The following XPNPEP3 variants were observed in gnomAD, a reference collection of about 807,000 sequenced individuals.
The protein encoded by XPNPEP3 is xaa-Pro aminopeptidase 3.
XPNPEP3 carries 41 observed loss-of-function variants against 60.0 expected under a neutral mutation model. That is an observed-to-expected ratio of 0.68 (90% CI 0.53 to 0.89). The LOEUF is 0.89. Among genes scored for constraint, XPNPEP3 ranks in the 40% least tolerant of loss-of-function variants. The probability of loss-of-function intolerance (pLI) is 0.00; values close to 1 mark genes in which losing one functional copy is unlikely to be tolerated. For missense variants in XPNPEP3, 598 were observed against 638.9 expected (o/e 0.94, Z 0.69); for synonymous variants, 212 against 223.2 (o/e 0.95, Z 0.45).
In XPNPEP3 at chr22:40,914,267, G is replaced by C. The variant is rs1388229070; in HGVS notation, c.998G>C (p.Gly333Ala). ...GGGGAAATGGTGCTTCTGGATGGAGGTTGTGAGTCTTCCTGCTATGTGAGT... is the reference window on the plus strand; with the variant it reads ...GGGGAAATGGTGCTTCTGGATGGAGCTTGTGAGTCTTCCTGCTATGTGAGT... Reference protein sequence around the residue: ...KDGEMVLLDGGCESSCYVSDI... With the variant: ...KDGEMVLLDGACESSCYVSDI... Residue 333 changes from glycine (G) to alanine (A), a missense_variant, in exon 7 of 10, where the codon GGT (glycine) becomes GCT (alanine). Coordinates refer to ENST00000357137, the MANE Select transcript of XPNPEP3 (RefSeq NM_022098.4). The C allele has an allele frequency of 2.5e-6, 4 of 1,613,940 alleles. No individual in the cohort carries two copies. Among genetic ancestry groups the C allele is most frequent in the Non-Finnish European group, 3.4e-6 (4 of 1,180,004 alleles).
Position 40,886,460 on chromosome 22 carries a change from TC to T in XPNPEP3, c.738del (p.Lys247SerfsTer15), listed in dbSNP as rs1489843926. The T allele has an allele frequency of 2.5e-6, 4 of 1,613,976 alleles. No individual in the cohort carries two copies. Among genetic ancestry groups the T allele is most frequent in the Non-Finnish European group, 3.4e-6 (4 of 1,180,024 alleles). ...CAGCTGATACAGCGCCTCCGGCTGA[TC>T]AAGTCTCCTGCAGAAATTGAACGAA... ...VQQLIQRLRL[I>X]KSPAEIERMQ... On this transcript the variant is annotated frameshift_variant, in exon 4 of 10. Coordinates refer to ENST00000357137, the MANE Select transcript of XPNPEP3 (RefSeq NM_022098.4). LOFTEE classifies it high-confidence loss of function.
At chr22:40,872,972 G>T (rs1601493406) in intron 2 of XPNPEP3, among the ~76,000 whole-genome samples, 1 of 151,792 alleles carries the variant, frequency 6.6e-6, no homozygotes, top group African/African-American at 2.4e-5. Flanking sequence ...ATTAGTTTTA[G>T]AATATGTGGT....
Position 40,926,381 on chromosome 22 carries a change from A to T in XPNPEP3, c.1470A>T (p.Ala490=). ...VTQDSPLILS[A]DCPKEMNDIE... is the part of the protein sequence containing the mutation. ...AGGACTCACCTCTCATCCTTTCTGCAGACTGTCCCAAAGAGATGAATGACA... is the reference window on the plus strand; with the variant it reads ...AGGACTCACCTCTCATCCTTTCTGCTGACTGTCCCAAAGAGATGAATGACA... The change falls in exon 10 of 10, where the codon GCA becomes GCT. Residue 490 remains alanine (A), a synonymous_variant. Coordinates refer to ENST00000357137, the MANE Select transcript of XPNPEP3 (RefSeq NM_022098.4). 5.6e-6 allele frequency: 9 copies of T among 1,614,194 alleles called. No individual in the cohort carries two copies. The highest frequency in any genetic ancestry group is 7.6e-6 in the Non-Finnish European group (9 of 1,180,036).
intron 4 of XPNPEP3, among the ~76,000 whole-genome samples, chr22:40,892,962 C>T (rs1007399891): frequency 6.6e-6 from 1 of 151,844 alleles, no homozygotes; most frequent in East Asian, 1.9e-4. Context: ...TGGCATGAGA[C>T]AGCATTCTGT....
intron 4 of XPNPEP3, among the ~76,000 whole-genome samples, chr22:40,902,227 C>T (rs2058136507): frequency 6.9e-6 from 1 of 145,508 alleles, no homozygotes; most frequent in African/African-American, 2.6e-5. Flanking sequence ...TTACAGGCGC[C>T]TGCCACCATG....
chr22:40,879,835 C>T (rs1184560560), intron 2 of XPNPEP3, among the ~76,000 whole-genome samples: 9 of 151,690 alleles, frequency 5.9e-5, no homozygotes, highest in Admixed American at 2.6e-4. Flanking sequence ...GAGCAAGACT[C>T]TTTCTCAAAA....
chr22:40,885,124 A>G (rs540386911), intron 3 of XPNPEP3, among the ~76,000 whole-genome samples: 47 of 152,328 alleles, frequency 3.1e-4, no homozygotes, highest in African/African-American at 6.7e-4. Context: ...TTTTATTTTA[A>G]AAATGAAAAT....
chr22:40,911,530 TC>T (rs1664722396), intron 6 of XPNPEP3, among the ~76,000 whole-genome samples: 1 of 151,860 alleles, frequency 6.6e-6, no homozygotes, highest in Non-Finnish European at 1.5e-5. Flanking sequence ...TGAGGCATTT[TC>T]TTTCTTCTTG....
At position 40,906,997 on chromosome 22, in the gene XPNPEP3, G is replaced by A. The variant is rs375896504; in HGVS notation, c.793-590G>A. On this transcript the variant is annotated intron_variant, in intron 4 of 9. Coordinates refer to ENST00000357137, the MANE Select transcript of XPNPEP3 (RefSeq NM_022098.4). ...ATGGTCACTTATCCCATCTATGAGG[G>A]CAGAGCCCTCGTGATTTAATCACTA... is the stretch of plus-strand genomic sequence containing the variant. The A allele has an allele frequency of 2.8e-4, 125 of 452,738 alleles. 2 individuals are homozygous for A. In the East Asian group the frequency reaches 5.6e-3, roughly 20 times the overall value. The allele number at this position is 452,738 out of a possible 1,614,324, so 28.0% of individuals were successfully genotyped here.
At position 40,907,391 on chromosome 22, in the gene XPNPEP3, A is replaced by T. The variant is rs533844632; in HGVS notation, c.793-196A>T. ...AGCCGAGATCGCGCCACTGCACTCC[A>T]GCCTGGGCAACAGAGCGAGACTCCG... is the stretch of plus-strand genomic sequence containing the variant. On this transcript the variant is annotated intron_variant, in intron 4 of 9. Coordinates refer to ENST00000357137, the MANE Select transcript of XPNPEP3 (RefSeq NM_022098.4). Among the ~76,000 whole-genome samples, 27 of 152,236 alleles carry T rather than the reference A, an allele frequency of 1.8e-4. No individual in the cohort carries two copies. The South Asian group carries it at 5.6e-3, about 32-fold the overall frequency.
At chr22:40,907,109 A>G (rs1438644304) in intron 4 of XPNPEP3, 1 of 456,262 alleles carries the variant, frequency 2.2e-6, no homozygotes, top group Non-Finnish European at 4.4e-6. Flanking sequence ...AGTCAAAGCA[A>G]AATGTTTTCC....
intron 1 of XPNPEP3, among the ~76,000 whole-genome samples, chr22:40,863,378 C>G (rs927456187): frequency 6.6e-5 from 10 of 152,096 alleles, no homozygotes; most frequent in Non-Finnish European, 1.5e-4. Context: ...TGAGAAAATT[C>G]CCTGTAATCT....
Position 40,907,617 on chromosome 22 carries a change from G to A in XPNPEP3, c.823G>A (p.Ala275Thr). 6.2e-7 allele frequency: 1 copy of A among 1,614,034 alleles called. No homozygotes were observed. Residue 275 changes from alanine (A) to threonine (T), a missense_variant, in exon 5 of 10, where the codon GCC becomes ACC. Physicochemically the swap from Ala to Thr is moderately conservative, Grantham distance 58 (BLOSUM62 0). Coordinates refer to ENST00000357137, the MANE Select transcript of XPNPEP3 (RefSeq NM_022098.4). ...CATAGAAACCATGTTCACCAGTAAA[G>A]CCCCTGTGGAAGAAGCCTTTCTTTA... ...AFIETMFTSK[A>T]PVEEAFLYAK...
At chr22:40,902,325 ACTG>A (rs899519835) in intron 4 of XPNPEP3, among the ~76,000 whole-genome samples, 27 of 134,320 alleles carry the variant, frequency 2.0e-4, no homozygotes, top group African/African-American at 7.6e-4. Flanking sequence ...ATCTTGGCTT[ACTG>A]CAAGCTCCAC....
In XPNPEP3 at chr22:40,924,381, C is replaced by T; in HGVS notation, c.1256C>T (p.Pro419Leu). 1 of 1,614,130 alleles carries T rather than the reference C, an allele frequency of 6.2e-7. No homozygotes were observed. Among genetic ancestry groups the T allele is most frequent in the South Asian group, 1.1e-5 (1 of 91,080 alleles). The change falls in exon 9 of 10, where the codon CCT becomes CTT. Residue 419 changes from proline to leucine, a missense_variant. Coordinates refer to ENST00000357137, the MANE Select transcript of XPNPEP3 (RefSeq NM_022098.4). ...NAFKAARKYCPHHVGHYLGMD... is the reference protein window; with the variant it reads ...NAFKAARKYCLHHVGHYLGMD... ...TTCCAGGCTGCTCGAAAATACTGTCCTCATCATGTTGGCCACTACCTCGGG... is the reference window on the plus strand; with the variant it reads ...TTCCAGGCTGCTCGAAAATACTGTCTTCATCATGTTGGCCACTACCTCGGG...
chr22:40,899,946 TG>T (rs754130348), intron 4 of XPNPEP3, among the ~76,000 whole-genome samples: 6 of 152,090 alleles, frequency 3.9e-5, no homozygotes, highest in Non-Finnish European at 8.8e-5. Flanking sequence ...AGTCTCCCTT[TG>T]TTCCCAGGCT....
intron 4 of XPNPEP3, among the ~76,000 whole-genome samples, chr22:40,891,525 C>T (rs1293100403): frequency 1.4e-5 from 2 of 143,518 alleles, no homozygotes; most frequent in Non-Finnish European, 3.1e-5. Flanking sequence ...TGGTGGCGGG[C>T]GCCTGTAGTC....
At chr22:40,879,938 AATCACTTG>A in intron 2 of XPNPEP3, among the ~76,000 whole-genome samples, 1 of 151,664 alleles carries the variant, frequency 6.6e-6, no homozygotes, top group Admixed American at 6.6e-5. Context: ...GAGGCACAAG[AATCACTTG>A]AACCCAGGAG....
chr22:40,885,651 T>A (rs1174628504), intron 3 of XPNPEP3, among the ~76,000 whole-genome samples: 1 of 152,208 alleles, frequency 6.6e-6, no homozygotes, highest in Non-Finnish European at 1.5e-5. Context: ...CAAGTGCCTC[T>A]AGCTCAGTAA....
Sources: allele counts gnomAD v4.1 joint callset (sites outside exome capture counted in the v4.1 genomes callset), GRCh38; gene constraint gnomAD v4.1.1; transcripts MANE v1.5; gene names NCBI Gene and HGNC (gene_info 2026-07-23, HGNC 2026-07-21).